DPP10: variants seen among roughly 807,000 people sequenced by gnomAD.
DPP10 encodes dipeptidyl peptidase like 10, also known as inactive dipeptidyl peptidase 10.
DPP10 carries 33 observed loss-of-function variants against 120.9 expected under a neutral mutation model. The observed-to-expected ratio is 0.27, with a 90% CI of 0.21 to 0.37. DPP10 has a LOEUF of 0.37. Ranked by LOEUF, DPP10 falls within the 10% of genes least tolerant of loss-of-function variation. DPP10 has a pLI of 1.00. For missense variants in DPP10, 816 were observed against 942.8 expected, an observed-to-expected ratio of 0.87 and a Z score of 1.76; for synonymous variants, 337 against 326.1, an observed-to-expected ratio of 1.03 and a Z score of -0.36.
At chr2:114,538,753 T>C (rs747996889) in intron 1 of DPP10, among the ~76,000 whole-genome samples, 41 of 152,236 alleles carry the variant, frequency 2.7e-4, no homozygotes, top group Non-Finnish European at 1.3e-4. Flanking sequence ...GCAGCATGTA[T>C]GGAAGTGCTT....
chr2:115,096,207 A>G (rs985119001), intron 1 of DPP10, among the ~76,000 whole-genome samples: 10 of 152,184 alleles, frequency 6.6e-5, no homozygotes, highest in South Asian at 2.1e-4. Context: ...TCAACTCTGT[A>G]GCCCTAAAGC....
chr2:115,811,093 T>C (rs966585637), intron 19 of DPP10, among the ~76,000 whole-genome samples: 1 of 152,216 alleles, frequency 6.6e-6, no homozygotes, highest in Non-Finnish European at 1.5e-5. Context: ...GAACAAGTAA[T>C]GTCCCTCATT....
At chr2:114,780,592 AAC>A (rs1682235116) in intron 1 of DPP10, among the ~76,000 whole-genome samples, 1 of 152,128 alleles carries the variant, frequency 6.6e-6, no homozygotes, top group Non-Finnish European at 1.5e-5. Flanking sequence ...TTATTACAAT[AAC>A]ACACTATTAA....
intron 1 of DPP10, among the ~76,000 whole-genome samples, chr2:114,720,458 G>T (rs932349211): frequency 6.6e-6 from 1 of 152,038 alleles, no homozygotes; most frequent in African/African-American, 2.4e-5. Flanking sequence ...TCTTCTTAAG[G>T]TCTTCAGTTA....
At chr2:115,611,480 T>C (rs2084096572) in intron 5 of DPP10, among the ~76,000 whole-genome samples, 1 of 152,146 alleles carries the variant, frequency 6.6e-6, no homozygotes, top group Non-Finnish European at 1.5e-5. Context: ...ATGTAAGAAT[T>C]TAGTGTTTAC....
intron 2 of DPP10, among the ~76,000 whole-genome samples, chr2:115,329,579 C>A (rs1271321593): frequency 6.6e-6 from 1 of 152,076 alleles, no homozygotes; most frequent in Non-Finnish European, 1.5e-5. Flanking sequence ...AATGCTATCC[C>A]TCCCCGCTCC....
chr2:114,857,933 C>T (rs897143406), intron 1 of DPP10, among the ~76,000 whole-genome samples: 4 of 152,068 alleles, frequency 2.6e-5, no homozygotes, highest in African/African-American at 9.7e-5. Context: ...AAATTCTGCC[C>T]ACTTATTGCC....
At chr2:115,361,782 G>A (rs2064785447) in intron 3 of DPP10, among the ~76,000 whole-genome samples, 1 of 151,962 alleles carries the variant, frequency 6.6e-6, no homozygotes, top group Non-Finnish European at 1.5e-5. Flanking sequence ...TTCATCCTCA[G>A]TGTTTGTGTT....
chr2:115,586,033 A>G (rs1328645814), intron 5 of DPP10, among the ~76,000 whole-genome samples: 1 of 152,166 alleles, frequency 6.6e-6, no homozygotes, highest in Non-Finnish European at 1.5e-5. Context: ...CTTAAAAATA[A>G]TATCAAAGGC....
chr2:115,259,776 ATGAT>A (rs1478649172), intron 1 of DPP10, among the ~76,000 whole-genome samples: 1 of 152,140 alleles, frequency 6.6e-6, no homozygotes, highest in Non-Finnish European at 1.5e-5. Context: ...TATTGAATGA[ATGAT>A]GATATTAAAA....
At chr2:115,442,764 A>G (rs2072196687) in intron 3 of DPP10, among the ~76,000 whole-genome samples, 1 of 152,204 alleles carries the variant, frequency 6.6e-6, no homozygotes, top group Non-Finnish European at 1.5e-5. Flanking sequence ...AAACTCTCAC[A>G]GACATTTTTT....
intron 1 of DPP10, among the ~76,000 whole-genome samples, chr2:114,608,471 G>C (rs915994464): frequency 2.6e-5 from 4 of 152,072 alleles, no homozygotes; most frequent in African/African-American, 9.7e-5. Context: ...ATTTCACATT[G>C]ATCAAATTCT....
intron 1 of DPP10, among the ~76,000 whole-genome samples, chr2:114,475,471 C>G (rs1237338579): frequency 2.0e-5 from 3 of 151,636 alleles, no homozygotes; most frequent in Admixed American, 2.0e-4. Context: ...GACTGGTTTT[C>G]TCTCTCTCTC....
intron 1 of DPP10, among the ~76,000 whole-genome samples, chr2:115,066,075 G>T (rs768799590): frequency 6.6e-6 from 1 of 152,108 alleles, no homozygotes; most frequent in Non-Finnish European, 1.5e-5. Context: ...TGTGTGACTT[G>T]ACAAGATCCA....
At chr2:115,138,797 C>T (rs1320169391) in intron 1 of DPP10, among the ~76,000 whole-genome samples, 6 of 151,946 alleles carry the variant, frequency 3.9e-5, no homozygotes, top group Non-Finnish European at 8.8e-5. Flanking sequence ...TTGTAGATGC[C>T]ATCAGAATAC....
At chr2:115,566,263 A>G (rs988222801) in intron 5 of DPP10, among the ~76,000 whole-genome samples, 4 of 152,126 alleles carry the variant, frequency 2.6e-5, no homozygotes, top group Admixed American at 2.6e-4. Context: ...TTCTGTATAT[A>G]AATATATCTT....
intron 1 of DPP10, among the ~76,000 whole-genome samples, chr2:114,481,829 A>G (rs779935513): frequency 1.6e-4 from 25 of 151,818 alleles, no homozygotes; most frequent in Non-Finnish European, 3.5e-4. Context: ...ACTTATAATC[A>G]GGCAGAAGGC....
At chr2:114,714,126 T>C (rs1047091597) in intron 1 of DPP10, among the ~76,000 whole-genome samples, 1 of 151,584 alleles carries the variant, frequency 6.6e-6, no homozygotes, top group Non-Finnish European at 1.5e-5. Flanking sequence ...CGTGCGCTCA[T>C]GAGTGTGTCT....
intron 1 of DPP10, among the ~76,000 whole-genome samples, chr2:114,494,121 A>AAAAAAC (rs1553450295): frequency 1.0e-4 from 15 of 147,476 alleles, no homozygotes; most frequent in African/African-American, 3.9e-4. Context: ...AAAAAAAAAA[A>AAAAAAC]CCCAGCAAAT....
Sources: gnomAD v4.1 joint callset for allele counts (sites outside exome capture counted in the v4.1 genomes callset) on GRCh38, gnomAD v4.1.1 for gene constraint, MANE v1.5 for transcripts, NCBI Gene and HGNC (gene_info 2026-07-23, HGNC 2026-07-21) for gene names.